CYB561: variants seen among roughly 807,000 people sequenced by gnomAD.
CYB561 encodes cytochrome b561, also known as transmembrane ascorbate-dependent reductase CYB561.
CYB561 carries 11 observed loss-of-function variants against 25.3 expected under a neutral mutation model. That is an observed-to-expected ratio of 0.44 (90% CI 0.27 to 0.72). CYB561 has a LOEUF of 0.72. CYB561 is among the 30% of genes least tolerant of loss of function. CYB561 has a pLI of 0.18. For missense variants in CYB561, 295 were observed against 334.9 expected, an observed-to-expected ratio of 0.88 and a Z score of 0.93; for synonymous variants, 165 against 158.8, an observed-to-expected ratio of 1.04 and a Z score of -0.29.
Position 63,436,671 on chromosome 17 carries a change from G to C in CYB561, c.203-519C>G, listed in dbSNP as rs1363048661. The C allele has an allele frequency of 6.2e-6, 1 of 161,116 alleles. No homozygotes were observed. The highest frequency in any genetic ancestry group is 1.4e-5 in the Non-Finnish European group (1 of 72,818). 10.0% of individuals were successfully genotyped at this position (161,116 alleles called of 1,614,324 possible). ...GGCCCCCACCTAAGCCTGGGCAGAT[G>C]GTCCTACTCCTAGCAAGCAGGCGCC... On this transcript the variant is annotated intron_variant, in intron 2 of 5. Coordinates refer to ENST00000360793, the MANE Select transcript of CYB561 (RefSeq NM_001915.4). This position sits in a 1 kb window ranked among gnomAD's most constrained non-coding sequence, Gnocchi z 4.8.
At position 63,438,251 on chromosome 17, in the gene CYB561, G is replaced by T. The variant is rs923860418; in HGVS notation, c.-13-691C>A. On this transcript the variant is annotated intron_variant, in intron 1 of 5. Transcript: ENST00000360793. ...CATGAGGCCCTGGCCTTCCCTGGGT[G>T]GGCTTTACAGGTGAGTTACACAGGC... 2.0e-6 allele frequency: 3 copies of T among 1,533,274 alleles called. No homozygotes were observed. The African/African-American group carries it at 4.1e-5, about 21-fold the overall frequency. 95.0% of individuals were successfully genotyped at this position (1,533,274 alleles called of 1,614,324 possible).
At position 63,433,060 on chromosome 17, in the gene CYB561, T is replaced by TTTTC. The variant is rs942702696; in HGVS notation, c.*1338_*1341dup. ...AAGCACATGATCGGTGTTCTTTTTT[T>TTTTC]TTTCTTTTTTGAGCCTGTCGCCCAG... is the stretch of plus-strand genomic sequence containing the variant. On this transcript the variant is annotated 3_prime_UTR_variant, in exon 6 of 6. Coordinates refer to ENST00000360793, the MANE Select transcript of CYB561 (RefSeq NM_001915.4). The TTTTC allele has an allele frequency of 4.2e-6, 1 of 235,802 alleles. No individual in the cohort carries two copies. Among genetic ancestry groups the TTTTC allele is most frequent in the African/African-American group, 2.3e-5 (1 of 44,338 alleles). The allele number at this position is 235,802 out of a possible 1,614,324, so 14.6% of individuals were successfully genotyped here.
Position 63,436,046 on chromosome 17 carries a change from G to A in CYB561, c.301+8C>T. The A allele has an allele frequency of 1.9e-6, 3 of 1,614,076 alleles. No individual in the cohort carries two copies. The highest frequency in any genetic ancestry group is 8.5e-7 in the Non-Finnish European group (1 of 1,179,968). On this transcript the variant is annotated splice_region_variant and intron_variant, in intron 3 of 5. Coordinates refer to ENST00000360793, the MANE Select transcript of CYB561 (RefSeq NM_001915.4). This position sits in a 1 kb window ranked among gnomAD's most constrained non-coding sequence, Gnocchi z 4.8. ...AGGTGGCGGGGAAGGCCGCGCCCGG[G>A]AACTCACCAACCAGGGCGATGACGA...
Position 63,433,261 on chromosome 17 carries a change from T to G in CYB561, c.*1141A>C. On this transcript the variant is annotated 3_prime_UTR_variant, in exon 6 of 6. Transcript: ENST00000360793. ...TGTTTGTTAGTCAGGATGGTCTTGA[T>G]CTCCTGGCCTCGCACACGATCAGTG... The G allele has an allele frequency of 2.5e-6, 1 of 397,630 alleles. No homozygotes were observed. Among genetic ancestry groups the G allele is most frequent in the Non-Finnish European group, 4.4e-6 (1 of 225,514 alleles). The allele number at this position is 397,630 out of a possible 1,614,324, so 24.6% of individuals were successfully genotyped here.
Position 63,441,932 on chromosome 17 carries a change from G to A in CYB561, c.-14+4313C>T, listed in dbSNP as rs572622198. On this transcript the variant is annotated intron_variant, in intron 1 of 5. Transcript: ENST00000360793. ...AGCAGGCCCTGACCGAAGGCAAGAGGGAAGGGGTTACAGGAGGGCAAACAA... is the reference window on the plus strand; with the variant it reads ...AGCAGGCCCTGACCGAAGGCAAGAGAGAAGGGGTTACAGGAGGGCAAACAA... 3.3e-5 allele frequency among the ~76,000 whole-genome samples: 5 copies of A among 152,354 alleles called. No individual in the cohort carries two copies. In the South Asian group the frequency reaches 6.2e-4, roughly 19 times the overall value.
At chr17:63,437,963 C>A (rs1229029599) in intron 1 of CYB561, 4 of 806,458 alleles carry the variant, frequency 5.0e-6, no homozygotes, top group South Asian at 1.7e-5. Context: ...CGGCTCCTCC[C>A]ACGGCGGCCC....
intron 1 of CYB561, among the ~76,000 whole-genome samples, chr17:63,441,502 T>A (rs2049375030): frequency 6.6e-6 from 1 of 152,242 alleles, no homozygotes. Context: ...GCCTGGTCCC[T>A]GCCCTAAAGG....
chr17:63,440,277 A>G, intron 1 of CYB561: 1 of 398,364 alleles, frequency 2.5e-6, no homozygotes. Flanking sequence ...TGCCCTCCCC[A>G]CTAGCTAGCA....
At chr17:63,437,962 C>G in intron 1 of CYB561, 1 of 820,094 alleles carries the variant, frequency 1.2e-6, no homozygotes, top group South Asian at 1.7e-5. Context: ...GCGGCTCCTC[C>G]CACGGCGGCC....
intron 5 of CYB561, 38 bp from the exon 6 acceptor site, chr17:63,434,632 G>A (rs1382128244): frequency 1.3e-6 from 2 of 1,566,494 alleles, no homozygotes; most frequent in South Asian, 2.3e-5. Context: ...TGCCCAAGGG[G>A]TCACAATTAG....
chr17:63,434,556 G>C lies in CYB561; in HGVS notation c.602C>G (p.Ala201Gly). The C allele has an allele frequency of 6.2e-7, 1 of 1,612,766 alleles. No homozygotes were observed. The highest frequency in any genetic ancestry group is 8.5e-7 in the Non-Finnish European group (1 of 1,179,978). ...YSAFEPEGVL[A>G]NVLGLLLACF... ...GGCCAGCAGCAGGCCCAGCACGTTG[G>C]CCAGGACACCCTCGGGCTCAAATGC... Residue 201 changes from alanine to glycine, a missense_variant, in exon 6 of 6, where the codon GCC (alanine) becomes GGC (glycine). Ala to Gly is a moderately conservative substitution (Grantham distance 60, BLOSUM62 0). Transcript: ENST00000360793.
chr17:63,443,619 T>C (rs2049397011), intron 1 of CYB561, among the ~76,000 whole-genome samples: 2 of 152,350 alleles, frequency 1.3e-5, no homozygotes, highest in East Asian at 3.9e-4. Flanking sequence ...TTAAAACTTA[T>C]TTTAATTAAT....
chr17:63,438,725 G>A (rs896215795), intron 1 of CYB561, among the ~76,000 whole-genome samples: 12 of 152,198 alleles, frequency 7.9e-5, no homozygotes, highest in African/African-American at 2.9e-4. Flanking sequence ...AGGAGGAAAG[G>A]AGAGCGGGTG....
intron 3 of CYB561, 76 bp from the exon 4 acceptor site, chr17:63,435,867 G>C (rs2049292873): frequency 5.7e-6 from 9 of 1,581,798 alleles, no homozygotes; most frequent in Non-Finnish European, 7.8e-6. Flanking sequence ...AGGGGAACCA[G>C]CTAGCGGGAC....
rs750983068 is a variant in CYB561 at position 63,433,243 on chromosome 17, T to TAGTC, written c.*1155_*1158dup. ...AGAGACGGGGTTTCACTGTGTTTGT[T>TAGTC]AGTCAGGATGGTCTTGATCTCCTGG... On this transcript the variant is annotated 3_prime_UTR_variant, in exon 6 of 6. Transcript: ENST00000360793. The TAGTC allele has an allele frequency of 7.6e-6, 3 of 396,132 alleles. No homozygotes were observed. The East Asian group carries it at 1.1e-4, about 14-fold the overall frequency. The allele number at this position is 396,132 out of a possible 1,614,324, so 24.5% of individuals were successfully genotyped here. A position where few individuals can be genotyped will look rare whatever the true frequency, so the allele number is the denominator to read the frequency against.
chr17:63,440,440 G>A (rs151008864), intron 1 of CYB561, among the ~76,000 whole-genome samples: 6 of 152,192 alleles, frequency 3.9e-5, no homozygotes, highest in East Asian at 1.9e-4. Context: ...CCTCTTCAAC[G>A]TGACAGACAT....
intron 1 of CYB561, among the ~76,000 whole-genome samples, chr17:63,440,038 C>T (rs572270780): frequency 4.6e-5 from 7 of 152,268 alleles, no homozygotes; most frequent in African/African-American, 1.7e-4. Context: ...CCAGGGTGGA[C>T]GGGAATACGG....
rs1002028791 is a variant in CYB561, at chr17:63,445,345, G to A, written c.-14+900C>T. 4.6e-5 allele frequency among the ~76,000 whole-genome samples: 7 copies of A among 152,028 alleles called. No homozygotes were observed. The South Asian group carries it at 8.3e-4, about 18-fold the overall frequency. ...TTTCCTGCCTCCATCAAATTTCACC[G>A]GGAGAAATCCAGGCACCTAGAGGAG... On this transcript the variant is annotated intron_variant, in intron 1 of 5. Coordinates refer to ENST00000360793, the MANE Select transcript of CYB561 (RefSeq NM_001915.4).
Position 63,433,537 on chromosome 17 carries a change from A to G in CYB561, c.*865T>C. On this transcript the variant is annotated 3_prime_UTR_variant, in exon 6 of 6. Coordinates refer to ENST00000360793, the MANE Select transcript of CYB561 (RefSeq NM_001915.4). Reference sequence around the variant, plus strand: ...AGCGGTTTTTCATTTAAAAAATTATAAGGTTTGTGCCCTCTGCCTCCCAGC... The same window carrying G: ...AGCGGTTTTTCATTTAAAAAATTATGAGGTTTGTGCCCTCTGCCTCCCAGC... 2.5e-6 allele frequency: 1 copy of G among 392,878 alleles called. No individual in the cohort carries two copies. The highest frequency in any genetic ancestry group is 3.6e-5 in the East Asian group (1 of 27,764). 24.3% of individuals were successfully genotyped at this position (392,878 alleles called of 1,614,324 possible).
Sources: gnomAD v4.1 joint callset for allele counts (sites outside exome capture counted in the v4.1 genomes callset) on GRCh38, gnomAD v4.1.1 for gene constraint, Gnocchi (gnomAD v3.1) non-coding constraint, MANE v1.5 for transcripts, NCBI Gene and HGNC (gene_info 2026-07-23, HGNC 2026-07-21) for gene names.